PITPNC1: variants seen among roughly 807,000 people sequenced by gnomAD.
PITPNC1 encodes phosphatidylinositol transfer protein cytoplasmic 1.
A neutral mutation model predicts 44.7 loss-of-function variants in PITPNC1; 18 were observed. The observed-to-expected ratio is 0.40, with a 90% CI of 0.28 to 0.60. The LOEUF (loss-of-function observed/expected upper bound fraction) is 0.60, where lower values mean the gene tolerates loss of function less well. Ranked by LOEUF, PITPNC1 falls within the 20% of genes least tolerant of loss-of-function variation. PITPNC1 has a pLI of 0.39. For synonymous variants in PITPNC1, 141 were observed against 149.6 expected, an observed-to-expected ratio of 0.94 and a Z score of 0.42; for missense variants, 290 against 418.4, an observed-to-expected ratio of 0.69 and a Z score of 2.68.
At chr17:67,423,847 C>T (rs1249022594) in intron 1 of PITPNC1, among the ~76,000 whole-genome samples, 1 of 152,112 alleles carries the variant, frequency 6.6e-6, no homozygotes, top group African/African-American at 2.4e-5. Context: ...GCAATGCTCC[C>T]TCTTGGGCAT....
intron 7 of PITPNC1, among the ~76,000 whole-genome samples, chr17:67,672,976 G>A (rs2042540055): frequency 6.6e-6 from 1 of 152,172 alleles, no homozygotes; most frequent in Non-Finnish European, 1.5e-5. Flanking sequence ...GCCGACAGCT[G>A]TGTTGTGCTT....
At chr17:67,678,299 G>A (rs1172907368) in intron 8 of PITPNC1, among the ~76,000 whole-genome samples, 9 of 151,976 alleles carry the variant, frequency 5.9e-5, no homozygotes, top group African/African-American at 1.4e-4. Context: ...AGATCTCCCC[G>A]AATCTGGAGA....
At chr17:67,462,225 C>CTTTTTTTTTTTTTTTTTTTTTTTTTTTT (rs549707875) in intron 1 of PITPNC1, among the ~76,000 whole-genome samples, 3 of 71,256 alleles carry the variant, frequency 4.2e-5, no homozygotes, top group Non-Finnish European at 5.1e-5. Flanking sequence ...TTCTTTCTTT[C>CTTTTTTTTTTTTTTTTTTTTTTTTTTTT]TTTTTTTTTT....
chr17:67,555,303 G>A (rs1183715670), intron 4 of PITPNC1, among the ~76,000 whole-genome samples: 1 of 152,144 alleles, frequency 6.6e-6, no homozygotes, highest in African/African-American at 2.4e-5. Context: ...TCTGTTTTGT[G>A]AGTCATATAG....
intron 1 of PITPNC1, among the ~76,000 whole-genome samples, chr17:67,441,276 A>C (rs2039008343): frequency 7.3e-6 from 1 of 137,786 alleles, no homozygotes; most frequent in Non-Finnish European, 1.6e-5. Context: ...GTATTTATTA[A>C]GCCCCCCCCC....
At chr17:67,436,650 T>G (rs942595540) in intron 1 of PITPNC1, among the ~76,000 whole-genome samples, 2 of 152,028 alleles carry the variant, frequency 1.3e-5, no homozygotes, top group Admixed American at 6.6e-5. Flanking sequence ...CATAATCTGA[T>G]TCATGTTTCT....
intron 1 of PITPNC1, among the ~76,000 whole-genome samples, chr17:67,495,388 CTTTTA>C (rs946286456): frequency 6.6e-6 from 1 of 152,006 alleles, no homozygotes; most frequent in Non-Finnish European, 1.5e-5. Context: ...TTTAAAAAAA[CTTTTA>C]TTTTAGGTTC....
intron 6 of PITPNC1, among the ~76,000 whole-genome samples, chr17:67,634,157 C>T (rs1226569818): frequency 3.3e-5 from 5 of 152,184 alleles, no homozygotes; most frequent in Non-Finnish European, 7.3e-5. Context: ...TCCGTACCTC[C>T]TTCCCTGGGT....
At chr17:67,410,571 C>T (rs547285293) in intron 1 of PITPNC1, among the ~76,000 whole-genome samples, 12 of 151,722 alleles carry the variant, frequency 7.9e-5, no homozygotes, top group Non-Finnish European at 1.5e-4. Flanking sequence ...TTTTTTGTAG[C>T]GATGAAGTCT....
At chr17:67,425,142 G>A (rs866954559) in intron 1 of PITPNC1, among the ~76,000 whole-genome samples, 3 of 148,482 alleles carry the variant, frequency 2.0e-5, no homozygotes, top group East Asian at 2.1e-4. Flanking sequence ...GACTCTTTTC[G>A]GACTCAGCCC....
At chr17:67,561,636 G>A (rs1023911511) in intron 4 of PITPNC1, among the ~76,000 whole-genome samples, 5 of 152,294 alleles carry the variant, frequency 3.3e-5, no homozygotes, top group Middle Eastern at 6.8e-3. Flanking sequence ...TGCTAGGTTG[G>A]TGAAGGGGGA....
At chr17:67,592,628 C>T (rs146587500) in intron 5 of PITPNC1, among the ~76,000 whole-genome samples, 3 of 152,250 alleles carry the variant, frequency 2.0e-5, no homozygotes, top group East Asian at 1.9e-4. Context: ...TAGAAATAAA[C>T]GTAAGCTGAT....
At chr17:67,537,814 A>G (rs2040550225) in intron 2 of PITPNC1, among the ~76,000 whole-genome samples, 1 of 47,890 alleles carries the variant, frequency 2.1e-5, no homozygotes, top group African/African-American at 6.7e-5. Context: ...TACTAAAAAT[A>G]CAAAAAAATT....
At chr17:67,677,973 G>A (rs1344045111) in intron 8 of PITPNC1, among the ~76,000 whole-genome samples, 2 of 152,018 alleles carry the variant, frequency 1.3e-5, no homozygotes, top group Admixed American at 1.3e-4. Context: ...AGCACTTTGG[G>A]AAGCCTAGGA....
intron 6 of PITPNC1, among the ~76,000 whole-genome samples, chr17:67,644,458 A>T (rs2042125324): frequency 7.7e-6 from 1 of 129,052 alleles, no homozygotes; most frequent in Non-Finnish European, 1.6e-5. Context: ...TTTTTGAGAC[A>T]GAGTCTCACT....
chr17:67,659,410 C>CA (rs1414051387), intron 6 of PITPNC1, among the ~76,000 whole-genome samples: 10 of 152,296 alleles, frequency 6.6e-5, no homozygotes, highest in East Asian at 3.9e-4. Context: ...AGCATGTTGC[C>CA]ACATGGTCTC....
At chr17:67,412,614 T>C (rs757846881) in intron 1 of PITPNC1, among the ~76,000 whole-genome samples, 1 of 152,136 alleles carries the variant, frequency 6.6e-6, no homozygotes, top group Non-Finnish European at 1.5e-5. Flanking sequence ...TTGTCCATGC[T>C]GGAGTGCAGT....
At chr17:67,606,220 G>A (rs746585686) in intron 5 of PITPNC1, among the ~76,000 whole-genome samples, 11 of 152,200 alleles carry the variant, frequency 7.2e-5, no homozygotes, top group African/African-American at 1.2e-4. Context: ...TCTTACATAA[G>A]TCATGAAAAA....
intron 6 of PITPNC1, among the ~76,000 whole-genome samples, chr17:67,647,462 GGGTT>G (rs1448743394): frequency 5.3e-4 from 51 of 96,254 alleles, no homozygotes; most frequent in Non-Finnish European, 7.5e-4. Context: ...AGCTAATTTT[GGGTT>G]TTTTTTTTTT....
Sources: allele counts gnomAD v4.1 joint callset (sites outside exome capture counted in the v4.1 genomes callset), GRCh38; gene constraint gnomAD v4.1.1; transcripts MANE v1.5; gene names NCBI Gene and HGNC (gene_info 2026-07-23, HGNC 2026-07-21).